GABRB1: variants seen among roughly 807,000 people sequenced by gnomAD.
GABRB1 encodes the protein gamma-aminobutyric acid type A receptor subunit beta1.
Under a neutral mutation model 51.6 loss-of-function variants are expected in GABRB1, and 17 were observed. The ratio of observed to expected loss-of-function variants is 0.33; its 90% CI spans 0.23 to 0.49. The LOEUF is 0.49. Among genes scored for constraint, GABRB1 ranks in the 20% least tolerant of loss-of-function variants. The pLI is 0.99. For missense variants in GABRB1, 410 were observed against 600.6 expected (o/e 0.68, Z 3.32); for synonymous variants, 247 against 218.9 (o/e 1.13, Z -1.14).
intron 5 of GABRB1, among the ~76,000 whole-genome samples, chr4:47,372,791 C>G (rs1233961885): frequency 6.6e-6 from 1 of 152,164 alleles, no homozygotes; most frequent in African/African-American, 2.4e-5. Flanking sequence ...GACTGCCTCT[C>G]TTTGGGTATA....
chr4:47,133,873 A>G (rs1360391576), intron 3 of GABRB1, among the ~76,000 whole-genome samples: 1 of 152,190 alleles, frequency 6.6e-6, no homozygotes, highest in East Asian at 1.9e-4. Flanking sequence ...TGCGATTACT[A>G]AAGAATCCTT....
chr4:47,229,540 T>C (rs931443919), intron 4 of GABRB1, among the ~76,000 whole-genome samples: 2 of 152,174 alleles, frequency 1.3e-5, no homozygotes, highest in Non-Finnish European at 2.9e-5. Context: ...CTTTAAGATA[T>C]AGTCACTTCT....
chr4:47,161,305 T>C lies in GABRB1; in HGVS notation c.297T>C (p.Tyr99=), dbSNP rs1270168385. The change falls in exon 4 of 9, where the codon TAT becomes TAC. Residue 99 remains tyrosine (Y), a synonymous_variant. Coordinates refer to ENST00000295454, the MANE Select transcript of GABRB1 (RefSeq NM_000812.4). ...CTTGGAAAGACAAAAGGCTTTCTTA[T>C]TCTGGAATCCCACTGAACCTCACCC... ...QQSWKDKRLS[Y]SGIPLNLTLD... 1 of 1,612,672 alleles carries C rather than the reference T, an allele frequency of 6.2e-7. No homozygotes were observed. The highest frequency in any genetic ancestry group is 8.5e-7 in the Non-Finnish European group (1 of 1,179,208).
intron 5 of GABRB1, among the ~76,000 whole-genome samples, chr4:47,321,741 T>G (rs1001255136): frequency 6.8e-6 from 1 of 147,046 alleles, no homozygotes; most frequent in Admixed American, 6.9e-5. Context: ...ATATTAGTTG[T>G]TTGTTACCCT....
At chr4:47,334,225 ATAAATAAATAAG>A (rs1021989767) in intron 5 of GABRB1, among the ~76,000 whole-genome samples, 2 of 152,212 alleles carry the variant, frequency 1.3e-5, no homozygotes, top group Non-Finnish European at 2.9e-5. Flanking sequence ...TGGAGTCAGC[ATAAATAAATAAG>A]TAAATAAATA....
intron 3 of GABRB1, among the ~76,000 whole-genome samples, chr4:47,039,247 C>A (rs1029516733): frequency 6.6e-5 from 10 of 151,012 alleles, no homozygotes; most frequent in Non-Finnish European, 1.0e-4. Flanking sequence ...ACCAATGTAT[C>A]TTTCCCTGTC....
intron 5 of GABRB1, among the ~76,000 whole-genome samples, chr4:47,396,933 G>A (rs1327222447): frequency 1.3e-5 from 2 of 151,848 alleles, no homozygotes; most frequent in Non-Finnish European, 2.9e-5. Context: ...TTGAGTTTAG[G>A]CATTTTTATT....
chr4:47,067,319 C>A (rs1374810062), intron 3 of GABRB1, among the ~76,000 whole-genome samples: 1 of 152,142 alleles, frequency 6.6e-6, no homozygotes, highest in Non-Finnish European at 1.5e-5. Context: ...AACTTAAAGT[C>A]ACCAGCTGCA....
chr4:47,110,883 A>T (rs1715185905), intron 3 of GABRB1, among the ~76,000 whole-genome samples: 1 of 152,206 alleles, frequency 6.6e-6, no homozygotes, highest in Non-Finnish European at 1.5e-5. Flanking sequence ...ATCTCACCAT[A>T]TGCCAGGGAC....
chr4:47,209,561 A>G (rs114641133), intron 4 of GABRB1, among the ~76,000 whole-genome samples: 411 of 152,152 alleles, frequency 2.7e-3, no homozygotes, highest in Middle Eastern at 0.02. Context: ...TGTTCATTGC[A>G]TTGTGCAATT....
At chr4:47,406,609 T>A in intron 7 of GABRB1, 73 bp from the exon 8 acceptor site, 3 of 1,584,594 alleles carry the variant, frequency 1.9e-6, no homozygotes, top group Non-Finnish European at 2.6e-6. Flanking sequence ...GCAAATGGCA[T>A]CTGTCCTCTC....
At chr4:47,222,515 C>T (rs532500407) in intron 4 of GABRB1, among the ~76,000 whole-genome samples, 3 of 152,060 alleles carry the variant, frequency 2.0e-5, no homozygotes, top group Non-Finnish European at 2.9e-5. Context: ...TGGAATGCTG[C>T]CACCATGTGA....
chr4:47,425,910 G>T lies in GABRB1; in HGVS notation c.1317G>T (p.Lys439Asn), dbSNP rs751889550. ...GGCGTGCCTCCCAGCTCAAAGTCAA[G>T]ATCCCCGACTTGACTGATGTGAATT... ...IRRRASQLKVKIPDLTDVNSI... is the reference protein window; with the variant it reads ...IRRRASQLKVNIPDLTDVNSI... The change falls in exon 9 of 9, where the codon AAG becomes AAT. Residue 439 changes from lysine (K) to asparagine (N), a missense_variant. Physicochemically the swap from Lys to Asn is moderately conservative, Grantham distance 94 (BLOSUM62 0). Transcript: ENST00000295454. 4 of 1,614,042 alleles carry T rather than the reference G, an allele frequency of 2.5e-6. No individual in the cohort carries two copies. The highest frequency in any genetic ancestry group is 3.4e-6 in the Non-Finnish European group (4 of 1,180,014).
chr4:47,107,158 T>A (rs2109619194), intron 3 of GABRB1, among the ~76,000 whole-genome samples: 1 of 152,204 alleles, frequency 6.6e-6, no homozygotes, highest in African/African-American at 2.4e-5. Context: ...CCCCACAAAA[T>A]TTGGATCAAG....
Position 47,403,610 on chromosome 4 carries a change from A to G in GABRB1, c.734A>G (p.Tyr245Cys), listed in dbSNP as rs1426627760. The change falls in exon 7 of 9, where the codon TAC becomes TGC. Residue 245 changes from tyrosine to cysteine, a missense_variant. Tyr to Cys is a radical substitution (Grantham distance 194). Around this residue, in one of 5 missense-constraint regions of GABRB1, gnomAD observed 37 missense variants for 126.3 expected, o/e 0.29. Transcript: ENST00000295454. ...LSFRLKRNIG[Y>C]FILQTYMPST... ...TTTCGTCTAAAGAGAAACATTGGTTACTTCATTTTGCAAACCTACATGCCT... is the reference window on the plus strand; with the variant it reads ...TTTCGTCTAAAGAGAAACATTGGTTGCTTCATTTTGCAAACCTACATGCCT... 1.9e-6 allele frequency: 3 copies of G among 1,613,892 alleles called. No homozygotes were observed. Among genetic ancestry groups the G allele is most frequent in the Non-Finnish European group, 2.5e-6 (3 of 1,179,924 alleles).
intron 1 of GABRB1, among the ~76,000 whole-genome samples, chr4:47,012,590 C>G (rs1208722201): frequency 6.6e-6 from 1 of 152,154 alleles, no homozygotes; most frequent in Non-Finnish European, 1.5e-5. Context: ...ACCCTAGCCT[C>G]TATAACAAAA....
intron 5 of GABRB1, among the ~76,000 whole-genome samples, chr4:47,399,650 G>A (rs947456706): frequency 3.9e-5 from 6 of 152,108 alleles, no homozygotes; most frequent in Admixed American, 3.9e-4. Context: ...TCCTCATGCA[G>A]GTACCTAGAT....
intron 4 of GABRB1, among the ~76,000 whole-genome samples, chr4:47,239,592 C>G (rs971304778): frequency 6.6e-6 from 1 of 152,124 alleles, no homozygotes; most frequent in Non-Finnish European, 1.5e-5. Flanking sequence ...GCAACTGCTA[C>G]GAGAAACAGA....
chr4:47,027,844 A>G (rs1038783536), upstream of GABRB1, among the ~76,000 whole-genome samples: 1 of 151,662 alleles, frequency 6.6e-6, no homozygotes, highest in Admixed American at 6.6e-5. Context: ...TAATAAAATT[A>G]TATCATATTA....
Sources: gnomAD v4.1 joint callset for allele counts (sites outside exome capture counted in the v4.1 genomes callset) on GRCh38, gnomAD v4.1.1 for gene constraint, gnomAD v4.1.1 regional missense constraint, MANE v1.5 for transcripts, NCBI Gene and HGNC (gene_info 2026-07-23, HGNC 2026-07-21) for gene names.